FANCB: variants seen among roughly 807,000 people sequenced by gnomAD.
FANCB encodes the protein FA complementation group B.
Under a neutral mutation model 38.9 loss-of-function variants are expected in FANCB, and 5 were observed. The observed-to-expected ratio is 0.13, with a 90% CI of 0.07 to 0.27. FANCB has a LOEUF of 0.27. Ranked by LOEUF, FANCB falls within the 10% of genes least tolerant of loss-of-function variation. The pLI, the probability that FANCB is intolerant of heterozygous loss-of-function variation, is 1.00. For synonymous variants in FANCB, 236 were observed against 215.4 expected, an observed-to-expected ratio of 1.10 and a Z score of -0.84; for missense variants, 573 against 602.7, an observed-to-expected ratio of 0.95 and a Z score of 0.52.
chrX:14,844,686 T>C lies in FANCB; in HGVS notation c.1982A>G (p.Gln661Arg). ...CAGGGCATAGCCGGGTGATGTGATT[T>C]GAAAACAAGATTTATGGAATGCTGC... ...LLAAFHKSCF[Q>R]ITSPGYALNS... Residue 661 changes from glutamine (Q) to arginine (R), a missense_variant, in exon 9 of 10, where the codon CAA (glutamine) becomes CGA (arginine). Physicochemically the swap from Gln to Arg is conservative, Grantham distance 43. Coordinates refer to ENST00000650831, the MANE Select transcript of FANCB (RefSeq NM_001018113.3). 1 of 1,211,481 alleles carries C rather than the reference T, an allele frequency of 8.3e-7. No individual in the cohort carries two copies.
downstream of FANCB, among the ~76,000 whole-genome samples, chrX:14,834,149 A>AT (rs776747444): frequency 0.03 from 3,223 of 109,208 alleles, 61 homozygotes; most frequent in Non-Finnish European, 0.047. Context: ...CCCTTGGGTG[A>AT]TTTTTTTTTT....
the FANCB span, chrX:14,730,539 C>CG: frequency 1.3e-6 from 1 of 790,975 alleles, no homozygotes; most frequent in Non-Finnish European, 1.8e-6. Flanking sequence ...CTTGTAAATA[C>CG]ACAGTGAAAT....
At position 14,844,495 on chromosome X, in the gene FANCB, T is replaced by C; in HGVS notation, c.2165+8A>G. The C allele has an allele frequency of 8.9e-7, 1 of 1,125,968 alleles. No homozygotes were observed. The highest frequency in any genetic ancestry group is 1.2e-6 in the Non-Finnish European group (1 of 817,192). The allele number at this position is 1,125,968 out of a possible 1,213,427, so 92.8% of individuals were successfully genotyped here. ...TCTCTGGACCAATTACAATTTAATA[T>C]GCATTACCTGGAATAGATTATTAAA... On this transcript the variant is annotated splice_region_variant and intron_variant, in intron 9 of 9. Transcript: ENST00000650831.
the FANCB span, among the ~76,000 whole-genome samples, chrX:14,743,666 T>C: frequency 9.2e-6 from 1 of 109,138 alleles, no homozygotes; most frequent in Non-Finnish European, 1.9e-5. Context: ...GCTTTTGAGG[T>C]CACTGTATTA....
Position 14,864,873 on chromosome X carries a change from C to T in FANCB, c.638G>A (p.Cys213Tyr). ...SDYAIWNTKF[C>Y]VYSLESQEVL... Reference sequence around the variant, plus strand: ...TTCTTGACTTTCAAGAGAATATACACAAAATTTGGTATTCCAAATTGCATA... The same window carrying T: ...TTCTTGACTTTCAAGAGAATATACATAAAATTTGGTATTCCAAATTGCATA... Residue 213 changes from cysteine to tyrosine, a missense_variant, in exon 3 of 10, where the codon TGT (cysteine) becomes TAT (tyrosine). Coordinates refer to ENST00000650831, the MANE Select transcript of FANCB (RefSeq NM_001018113.3). 1 of 1,209,400 alleles carries T rather than the reference C, an allele frequency of 8.3e-7. No homozygotes were observed. The highest frequency in any genetic ancestry group is 1.1e-6 in the Non-Finnish European group (1 of 893,270).
chrX:14,730,311 C>A, the FANCB span: 3 of 1,210,490 alleles, frequency 2.5e-6, no homozygotes, highest in East Asian at 8.9e-5. Flanking sequence ...CACCTGCCAA[C>A]CCACTCCCAC....
At chrX:14,809,633 C>T in the FANCB span, among the ~76,000 whole-genome samples, 37 of 112,376 alleles carry the variant, frequency 3.3e-4, no homozygotes, top group South Asian at 1.5e-3. Context: ...GGGGAAGGGG[C>T]GCCCGCCATT....
chrX:14,821,842 G>C, the FANCB span, among the ~76,000 whole-genome samples: 1 of 111,829 alleles, frequency 8.9e-6, no homozygotes, highest in Non-Finnish European at 1.9e-5. Context: ...AAAATGAGGA[G>C]AGGTGATTTC....
At chrX:14,753,052 T>G in the FANCB span, among the ~76,000 whole-genome samples, 1 of 105,455 alleles carries the variant, frequency 9.5e-6, no homozygotes, top group South Asian at 4.3e-4. Flanking sequence ...TATTGAGAGA[T>G]TACATAAATC....
the FANCB span, among the ~76,000 whole-genome samples, chrX:14,810,016 G>A: frequency 2.7e-5 from 3 of 111,888 alleles, no homozygotes; most frequent in Admixed American, 9.4e-5. Context: ...AGCAGCATTC[G>A]TGGTTCTGCA....
chrX:14,845,990 G>C lies in FANCB; in HGVS notation c.1497-704C>G, dbSNP rs760536056. ...TAATACTGAAAACTCCTTTAATACAGGAATTTGACCATATGTCTAATGAGT... is the reference window on the plus strand; with the variant it reads ...TAATACTGAAAACTCCTTTAATACACGAATTTGACCATATGTCTAATGAGT... On this transcript the variant is annotated intron_variant, in intron 7 of 9. Transcript: ENST00000650831. Among the ~76,000 whole-genome samples the C allele has an allele frequency of 7.2e-5, 8 of 111,501 alleles. 1 individual carries two copies. Among genetic ancestry groups the C allele is most frequent in the Non-Finnish European group, 1.5e-4 (8 of 52,951 alleles).
downstream of FANCB, chrX:14,835,001 C>A: frequency 1.6e-6 from 1 of 616,095 alleles, no homozygotes; most frequent in South Asian, 2.2e-5. Flanking sequence ...TATGCACTGG[C>A]CCTGAATCAC....
At chrX:14,816,924 T>G in the FANCB span, among the ~76,000 whole-genome samples, 10 of 111,908 alleles carry the variant, frequency 8.9e-5, no homozygotes, top group East Asian at 2.8e-3. Context: ...AGGAGAATAA[T>G]GTTACCTAGC....
chrX:14,780,739 A>G, the FANCB span, among the ~76,000 whole-genome samples: 15 of 110,696 alleles, frequency 1.4e-4, no homozygotes, highest in South Asian at 4.8e-3. Context: ...CTGTGTCCCA[A>G]TAAAACTTTA....
At chrX:14,690,282 ATAAT>A in the FANCB span, among the ~76,000 whole-genome samples, 1 of 112,310 alleles carries the variant, frequency 8.9e-6, no homozygotes, top group Admixed American at 9.4e-5. Context: ...AATTAAGAGA[ATAAT>A]TATTTTTAAT....
At chrX:14,697,641 G>T in the FANCB span, among the ~76,000 whole-genome samples, 1 of 110,998 alleles carries the variant, frequency 9.0e-6, no homozygotes, top group Non-Finnish European at 1.9e-5. Flanking sequence ...ATCAGTGATG[G>T]GTCACTGCTG....
chrX:14,711,202 T>C, the FANCB span, among the ~76,000 whole-genome samples: 1 of 112,686 alleles, frequency 8.9e-6, no homozygotes, highest in South Asian at 3.6e-4. Context: ...TGCTTCCTCA[T>C]GTGTTGTCAC....
At chrX:14,835,258 C>G (rs2092338152), downstream of FANCB, 2 of 504,624 alleles carry the variant, frequency 4.0e-6, no homozygotes, top group Non-Finnish European at 7.2e-6. Context: ...GCCTTTAGTT[C>G]ACAACCGAAA....
chrX:14,812,246 G>C, the FANCB span, among the ~76,000 whole-genome samples: 1 of 110,123 alleles, frequency 9.1e-6, no homozygotes, highest in African/African-American at 3.3e-5. Flanking sequence ...AACATCAAAA[G>C]TAAAAGAACT....
Sources: gnomAD v4.1 joint callset for allele counts (sites outside exome capture counted in the v4.1 genomes callset) on GRCh38, gnomAD v4.1.1 for gene constraint, MANE v1.5 for transcripts, NCBI Gene and HGNC (gene_info 2026-07-23, HGNC 2026-07-21) for gene names.